SCN10A: variants seen among roughly 807,000 people sequenced by gnomAD.
SCN10A encodes the protein sodium voltage-gated channel alpha subunit 10, also known as sodium channel protein type 10 subunit alpha.
A neutral mutation model predicts 170.7 loss-of-function variants in SCN10A; 162 were observed. The observed-to-expected ratio is 0.95, with a 90% CI of 0.84 to 1.08. The LOEUF is 1.08. Among genes scored for constraint, SCN10A ranks in the 50% least tolerant of loss-of-function variants. SCN10A has a pLI of 0.00. For synonymous variants in SCN10A, 985 were observed against 904.6 expected, an observed-to-expected ratio of 1.09 and a Z score of -1.59; for missense variants, 2,527 against 2,436.9, an observed-to-expected ratio of 1.04 and a Z score of -0.78.
At chr3:38,742,253 A>T in intron 14 of SCN10A, 38 bp downstream of exon 14, 1 of 1,379,918 alleles carries the variant, frequency 7.2e-7, no homozygotes, top group Non-Finnish European at 1.0e-6. Flanking sequence ...CCCCGCCCCG[A>T]CCACGCCAGT....
At chr3:38,808,766 G>A (rs1034313847) in intron 1 of SCN10A, among the ~76,000 whole-genome samples, 54 of 152,302 alleles carry the variant, frequency 3.5e-4, no homozygotes, top group Admixed American at 3.1e-3. Context: ...AGAAAGAGGA[G>A]CTTGATGCTG....
rs114067562 is a variant in SCN10A, at chr3:38,805,938, G to C, written c.-33+10099C>G. The stretch of plus-strand genomic sequence containing the variant: ...GACCAAAGTAATTTACAGGGCGGAC[G>C]AAAGTGCGTGCGCTATCCATGGTTC... On this transcript the variant is annotated intron_variant, in intron 1 of 27. Transcript: ENST00000449082. Among the ~76,000 whole-genome samples the C allele has an allele frequency of 3.7e-3, 563 of 152,286 alleles. 5 individuals carry two copies. Among genetic ancestry groups the C allele is most frequent in the Middle Eastern group, 0.017 (5 of 294 alleles).
intron 27 of SCN10A, among the ~76,000 whole-genome samples, chr3:38,701,417 T>C (rs2063154722): frequency 6.6e-6 from 1 of 152,204 alleles, no homozygotes; most frequent in Non-Finnish European, 1.5e-5. Flanking sequence ...TTGATGGCAA[T>C]CCATCTCCTT....
intron 1 of SCN10A, among the ~76,000 whole-genome samples, chr3:38,800,889 C>A (rs1389628963): frequency 6.6e-6 from 1 of 152,144 alleles, no homozygotes; most frequent in South Asian, 2.1e-4. Flanking sequence ...TTTCTGAGAT[C>A]TGATGAGTGA....
rs779147250 is a variant in SCN10A, at chr3:38,725,142, G to C, written c.3228+32C>G. 5 of 1,549,314 alleles carry C rather than the reference G, an allele frequency of 3.2e-6. No individual in the cohort carries two copies. The African/African-American group carries it at 5.4e-5, about 17-fold the overall frequency. ...CCCACTGCTCAGTGTCTGGCTGGCTGTCCAACCTCTCCAGGAAGCTGACAT... is the reference window on the plus strand; with the variant it reads ...CCCACTGCTCAGTGTCTGGCTGGCTCTCCAACCTCTCCAGGAAGCTGACAT... On this transcript the variant is annotated intron_variant, in intron 18 of 27. Coordinates refer to ENST00000449082, the MANE Select transcript of SCN10A (RefSeq NM_006514.4).
intron 25 of SCN10A, 41 bp from the exon 26 acceptor site, chr3:38,707,424 C>T (rs1306017479): frequency 1.1e-5 from 17 of 1,600,782 alleles, no homozygotes; most frequent in Non-Finnish European, 1.3e-5. Context: ...AAGAGGAACC[C>T]CCTACGGATA....
chr3:38,708,446 A>T lies in SCN10A; in HGVS notation c.4281+1032T>A, dbSNP rs149682089. On this transcript the variant is annotated intron_variant, in intron 25 of 27. Transcript: ENST00000449082. ...AATCTCAAACCTCCCCAGGGTACTA[A>T]ATAGCACTGTCTTGTCCCAGACCTA... Among the ~76,000 whole-genome samples the T allele has an allele frequency of 3.9e-4, 60 of 152,268 alleles. No individual in the cohort carries two copies. In the East Asian group the frequency reaches 9.6e-3, roughly 24 times the overall value.
At chr3:38,784,341 A>G (rs2064172937) in intron 4 of SCN10A, among the ~76,000 whole-genome samples, 1 of 152,184 alleles carries the variant, frequency 6.6e-6, no homozygotes, top group South Asian at 2.1e-4. Flanking sequence ...GCAAGTCAAT[A>G]AACGTAATCC....
intron 4 of SCN10A, among the ~76,000 whole-genome samples, chr3:38,788,078 T>C (rs1179906556): frequency 6.6e-6 from 1 of 152,052 alleles, no homozygotes; most frequent in Non-Finnish European, 1.5e-5. Flanking sequence ...TTCTAAGAAT[T>C]TAAAATTATA....
chr3:38,802,834 A>G (rs2064380758), intron 1 of SCN10A, among the ~76,000 whole-genome samples: 1 of 152,218 alleles, frequency 6.6e-6, no homozygotes, highest in African/African-American at 2.4e-5. Flanking sequence ...CTGCACAGCA[A>G]AAGAAACTAC....
At chr3:38,807,060 G>A (rs1401993856) in intron 1 of SCN10A, among the ~76,000 whole-genome samples, 1 of 151,974 alleles carries the variant, frequency 6.6e-6, no homozygotes, top group African/African-American at 2.4e-5. Context: ...GATTCCTTTC[G>A]AATTCTTGGA....
intron 13 of SCN10A, among the ~76,000 whole-genome samples, chr3:38,744,710 A>G (rs2063669290): frequency 6.6e-6 from 1 of 152,082 alleles, no homozygotes; most frequent in Non-Finnish European, 1.5e-5. Flanking sequence ...AGAGTAAGAT[A>G]TTGATGTGGT....
intron 4 of SCN10A, among the ~76,000 whole-genome samples, chr3:38,784,367 C>T (rs2064173184): frequency 6.6e-6 from 1 of 152,074 alleles, no homozygotes; most frequent in Admixed American, 6.6e-5. Flanking sequence ...ACAAACAGAA[C>T]CAATGACAAA....
intron 13 of SCN10A, among the ~76,000 whole-genome samples, chr3:38,745,532 T>C (rs2063676954): frequency 6.6e-6 from 1 of 152,082 alleles, no homozygotes; most frequent in Admixed American, 6.5e-5. Context: ...TTCTCCCTAC[T>C]CCCTAGTGCC....
At chr3:38,747,401 C>T (rs2063702963) in intron 13 of SCN10A, among the ~76,000 whole-genome samples, 1 of 152,198 alleles carries the variant, frequency 6.6e-6, no homozygotes, top group Non-Finnish European at 1.5e-5. Flanking sequence ...ATAGATTTTA[C>T]AACCTAGTAA....
chr3:38,728,558 AC>A lies in SCN10A; in HGVS notation c.2623del (p.Val875CysfsTer2). ...ICLILFLTVM[V>X]LGNLVVLNLF... The stretch of plus-strand genomic sequence containing the variant: ...ACCACTCACCACCAGGTTCCCTAGC[AC>A]CATCACCGTCAAGAAAAGGATGAGG... On this transcript the variant is annotated frameshift_variant, in exon 16 of 28. Coordinates refer to ENST00000449082, the MANE Select transcript of SCN10A (RefSeq NM_006514.4). LOFTEE classifies it high-confidence loss of function. 6.3e-7 allele frequency: 1 copy of A among 1,591,464 alleles called. No individual in the cohort carries two copies. Among genetic ancestry groups the A allele is most frequent in the Non-Finnish European group, 8.6e-7 (1 of 1,165,808 alleles).
At chr3:38,725,441 A>C (rs2063444158) in intron 17 of SCN10A, 127 bp from the exon 18 acceptor site, 2 of 708,692 alleles carry the variant, frequency 2.8e-6, no homozygotes, top group East Asian at 5.7e-5. Flanking sequence ...TCATGTACAT[A>C]CATATATACA....
chr3:38,747,948 A>T (rs1389950015), intron 13 of SCN10A, among the ~76,000 whole-genome samples: 1 of 152,022 alleles, frequency 6.6e-6, no homozygotes, highest in Non-Finnish European at 1.5e-5. Flanking sequence ...CCCTGCTAGG[A>T]TGTAGATTCC....
At chr3:38,723,585 G>A (rs1035600438) in intron 18 of SCN10A, 32 bp from the exon 19 acceptor site, 31 of 1,557,392 alleles carry the variant, frequency 2.0e-5, no homozygotes, top group African/African-American at 1.1e-4. Context: ...CAGTGAACTC[G>A]TCTCTCCGCG....
Sources: gnomAD v4.1 joint callset for allele counts (sites outside exome capture counted in the v4.1 genomes callset) on GRCh38, gnomAD v4.1.1 for gene constraint, MANE v1.5 for transcripts, NCBI Gene and HGNC (gene_info 2026-07-23, HGNC 2026-07-21) for gene names.